Variants in RDX observed in about 807,000 individuals in gnomAD.
The protein encoded by RDX is radixin.
Under a neutral mutation model 83.7 loss-of-function variants are expected in RDX, and 32 were observed. The ratio of observed to expected loss-of-function variants is 0.38; its 90% confidence interval spans 0.29 to 0.51. The LOEUF (loss-of-function observed/expected upper bound fraction) is 0.51. Ranked by LOEUF, RDX falls within the 20% of genes least tolerant of loss-of-function variation. The pLI, the probability that RDX is intolerant of heterozygous loss-of-function variation, is 0.87. For missense variants in RDX, 600 were observed against 689.9 expected, an observed-to-expected ratio of 0.87 and a Z score of 1.46; for synonymous variants, 229 against 222.7, an observed-to-expected ratio of 1.03 and a Z score of -0.25.
chr11:110,177,997 C>G lies in RDX; in HGVS notation c.*32-2763G>C, dbSNP rs141079792. 2.8e-4 allele frequency among the ~76,000 whole-genome samples: 43 copies of G among 152,222 alleles called. No individual in the cohort carries two copies. The East Asian group carries it at 7.2e-3, about 25-fold the overall frequency. ...GGCCAGGATGTCTGACCATAACATG[C>G]AAAACTCCCCACACAGTGACATCCC... On this transcript the variant is annotated intron_variant, in intron 15 of 15. Coordinates refer to the RDX transcript ENST00000528498.
chr11:110,177,989 A>G (rs1451675427), intron 15 of RDX, among the ~76,000 whole-genome samples: 1 of 151,980 alleles, frequency 6.6e-6, no homozygotes, highest in Non-Finnish European at 1.5e-5. Context: ...ATGTCTGACC[A>G]TAACATGCAA....
chr11:110,204,514 CTTTTTTTTTTT>C (rs577737066), intron 14 of RDX, among the ~76,000 whole-genome samples: 1 of 107,734 alleles, frequency 9.3e-6, no homozygotes, highest in Non-Finnish European at 1.8e-5. Context: ...TTTTTTTTTC[CTTTTTTTTTTT>C]TTTTTTTTGA....
intron 2 of RDX, 182 bp from the exon 3 acceptor site, chr11:110,272,801 A>G: frequency 1.7e-6 from 1 of 590,180 alleles, no homozygotes; most frequent in South Asian, 1.9e-5. Flanking sequence ...TACTTAACAT[A>G]TACTGGGCAC....
At chr11:110,263,133 G>T (rs574244857) in intron 5 of RDX, among the ~76,000 whole-genome samples, 6 of 152,188 alleles carry the variant, frequency 3.9e-5, no homozygotes, top group African/African-American at 1.4e-4. Context: ...AAATTAGCTG[G>T]GCATGGCGGC....
At position 110,236,191 on chromosome 11, in the gene RDX, C is replaced by T. The variant is rs1864843214; in HGVS notation, c.1252G>A (p.Ala418Thr). The T allele has an allele frequency of 9.3e-6, 15 of 1,609,316 alleles. No individual in the cohort carries two copies. Among genetic ancestry groups the T allele is most frequent in the Non-Finnish European group, 1.3e-5 (15 of 1,176,574 alleles). Residue 418 changes from alanine (A) to threonine (T), a missense_variant and splice_region_variant, in exon 12 of 14, where the codon GCA (alanine) becomes ACA (threonine). By Grantham distance (58) the Ala-to-Thr change is moderately conservative. Transcript: ENST00000645495. Reference sequence around the variant, plus strand: ...GCAGTGAATTCAGCAAGTTCTGCTGCCTAAAGTAAACAATATAATTCCAAA... The same window carrying T: ...GCAGTGAATTCAGCAAGTTCTGCTGTCTAAAGTAAACAATATAATTCCAAA... ...ADQMKNQEQL[A>T]AELAEFTAKI...
At position 110,275,065 on chromosome 11, in the gene RDX, G is replaced by A. The variant is rs1409455887; in HGVS notation, c.13-2446C>T. Among the ~76,000 whole-genome samples, 6 of 152,128 alleles carry A rather than the reference G, an allele frequency of 3.9e-5. No homozygotes were observed. The East Asian group carries it at 5.8e-4, about 15-fold the overall frequency. On this transcript the variant is annotated intron_variant, in intron 2 of 13. Transcript: ENST00000645495. ...GCTTTTCTGTATTTCCAGGAACAGT[G>A]GGCATTATCAGATTTATTAATATCT...
intron 3 of RDX, among the ~76,000 whole-genome samples, chr11:110,267,563 CACAA>C (rs1284181327): frequency 4.2e-5 from 6 of 141,230 alleles, no homozygotes; most frequent in East Asian, 4.3e-4. Context: ...CACACACACA[CACAA>C]ATAATCTTAA....
intron 11 of RDX, 56 bp downstream of exon 11, chr11:110,237,436 A>T: frequency 6.5e-7 from 1 of 1,527,852 alleles, no homozygotes; most frequent in Non-Finnish European, 8.9e-7. Flanking sequence ...TCTTTTTTAG[A>T]GGGTTCACTC....
rs755277132 is a variant in RDX, at chr11:110,236,155, G to A, written c.1288C>T (p.Leu430Phe). ...ELAEFTAKIALLEEAKKKKEE... is the reference protein window; with the variant it reads ...ELAEFTAKIAFLEEAKKKKEE... ...TTTTTCTTCTTGGCTTCCTCTAGAA[G>A]TGCAATCTTGGCAGTGAATTCAGCA... The change falls in exon 12 of 14, where the codon CTT becomes TTT. Residue 430 changes from leucine to phenylalanine, a missense_variant. Coordinates refer to ENST00000645495, the MANE Select transcript of RDX (RefSeq NM_002906.4). The A allele has an allele frequency of 9.3e-6, 15 of 1,612,526 alleles. No homozygotes were observed. The highest frequency in any genetic ancestry group is 1.3e-5 in the African/African-American group (1 of 74,884).
intron 14 of RDX, among the ~76,000 whole-genome samples, chr11:110,220,889 A>AAAG (rs1430401182): frequency 6.6e-6 from 1 of 151,878 alleles, no homozygotes; most frequent in East Asian, 1.9e-4. Context: ...AAAAAAAAAA[A>AAAG]AAAAAAAAAA....
At chr11:110,285,472 G>C (rs2134438440) in intron 1 of RDX, among the ~76,000 whole-genome samples, 1 of 152,178 alleles carries the variant, frequency 6.6e-6, no homozygotes, top group East Asian at 1.9e-4. Flanking sequence ...CCAGCACTTT[G>C]GGAGGCTGAG....
intron 14 of RDX, among the ~76,000 whole-genome samples, chr11:110,215,647 T>C (rs1864025118): frequency 6.6e-6 from 1 of 152,200 alleles, no homozygotes; most frequent in Non-Finnish European, 1.5e-5. Flanking sequence ...CTTTGGCCTA[T>C]AAGTCAATCA....
At chr11:110,228,863 T>TA (rs1400063843), downstream of RDX, among the ~76,000 whole-genome samples, 1 of 151,704 alleles carries the variant, frequency 6.6e-6, no homozygotes, top group East Asian at 1.9e-4. Context: ...AGGATCAGAG[T>TA]AAAAAAATCA....
chr11:110,255,420 A>G (rs1234028882), intron 7 of RDX, 35 bp from the exon 8 acceptor site: 6 of 1,087,798 alleles, frequency 5.5e-6, no homozygotes, highest in Non-Finnish European at 8.6e-6. Context: ...AATTAAAGGC[A>G]GGAAACAATG....
At chr11:110,250,562 T>C (rs1219138220) in intron 9 of RDX, among the ~76,000 whole-genome samples, 1 of 152,212 alleles carries the variant, frequency 6.6e-6, no homozygotes, top group East Asian at 1.9e-4. Flanking sequence ...TGGCCCTTTC[T>C]GCAGATGGAT....
intron 15 of RDX, among the ~76,000 whole-genome samples, chr11:110,195,085 G>A (rs1337779661): frequency 6.6e-6 from 1 of 152,062 alleles, no homozygotes; most frequent in Non-Finnish European, 1.5e-5. Flanking sequence ...CCACCTCCCG[G>A]GTTCAAGCGA....
chr11:110,247,227 G>A (rs1859148595), intron 10 of RDX, among the ~76,000 whole-genome samples: 3 of 152,072 alleles, frequency 2.0e-5, no homozygotes, highest in Admixed American at 2.0e-4. Flanking sequence ...TATGTGTTGT[G>A]TATTTTCTAG....
At chr11:110,242,314 A>T (rs1865129515) in intron 10 of RDX, among the ~76,000 whole-genome samples, 1 of 152,018 alleles carries the variant, frequency 6.6e-6, no homozygotes, top group African/African-American at 2.4e-5. Context: ...TTAGCCAGAC[A>T]TGGTGGCAGC....
chr11:110,258,521 T>C (rs1053639674), intron 5 of RDX, among the ~76,000 whole-genome samples: 1 of 152,140 alleles, frequency 6.6e-6, no homozygotes, highest in East Asian at 1.9e-4. Context: ...TCAGTAATTA[T>C]CTCAAAGTTA....
Sources: gnomAD v4.1 joint callset for allele counts (sites outside exome capture counted in the v4.1 genomes callset) on GRCh38, gnomAD v4.1.1 for gene constraint, MANE v1.5 for transcripts, NCBI Gene and HGNC (gene_info 2026-07-23, HGNC 2026-07-21) for gene names.